The following THRB variants were observed in gnomAD, a reference collection of about 807,000 sequenced individuals.
THRB encodes thyroid hormone receptor beta.
THRB carries 12 observed loss-of-function variants against 47.8 expected under a neutral mutation model. The observed-to-expected ratio is 0.25, with a 90% CI of 0.16 to 0.41. The LOEUF (loss-of-function observed/expected upper bound fraction) is 0.41, where lower values mean the gene tolerates loss of function less well. THRB is among the 10% of genes least tolerant of loss of function. The pLI, the probability that THRB is intolerant of heterozygous loss-of-function variation, is 1.00. For missense variants in THRB, 348 were observed against 589.2 expected (o/e 0.59, Z 4.24); for synonymous variants, 218 against 212.2 (o/e 1.03, Z -0.24).
At chr3:24,228,005 G>C (rs1468332529) in intron 4 of THRB, among the ~76,000 whole-genome samples, 2 of 152,098 alleles carry the variant, frequency 1.3e-5, no homozygotes, top group African/African-American at 4.8e-5. Flanking sequence ...TCTAAAATTT[G>C]GGATATTTCA....
Position 24,143,541 on chromosome 3 carries a change from T to C in THRB, c.698A>G (p.Asn233Ser), listed in dbSNP as rs1301719133. Residue 233 changes from asparagine (N) to serine (S), a missense_variant, in exon 8 of 11, where the codon AAC becomes AGC. This residue lies in a region of THRB where 112 missense variants were observed against 212.3 expected (regional missense o/e 0.53). Coordinates refer to ENST00000646209, the MANE Select transcript of THRB (RefSeq NM_001354712.2). ...TTGCTTCCAGTGGCTGCCTTGGGCGTTGGTCGCCACATGGGCTTCGGTGAC... is the reference window on the plus strand; with the variant it reads ...TTGCTTCCAGTGGCTGCCTTGGGCGCTGGTCGCCACATGGGCTTCGGTGAC... Reference protein sequence around the residue: ...KTVTEAHVATNAQGSHWKQKR... With the variant: ...KTVTEAHVATSAQGSHWKQKR... 1 of 1,614,154 alleles carries C rather than the reference T, an allele frequency of 6.2e-7. No homozygotes were observed. Among genetic ancestry groups the C allele is most frequent in the Non-Finnish European group, 8.5e-7 (1 of 1,180,018 alleles).
At chr3:24,334,163 C>T (rs747648461) in intron 2 of THRB, among the ~76,000 whole-genome samples, 18 of 152,110 alleles carry the variant, frequency 1.2e-4, no homozygotes, top group Admixed American at 2.0e-4. Context: ...GCTTTTTAGA[C>T]GGTCAAAATG....
chr3:24,350,379 C>A (rs2149531065), intron 1 of THRB, among the ~76,000 whole-genome samples: 1 of 152,032 alleles, frequency 6.6e-6, no homozygotes, highest in East Asian at 1.9e-4. Flanking sequence ...CACGTGGTCA[C>A]CAAAAGACCT....
At chr3:24,205,809 T>C (rs967466413) in intron 4 of THRB, among the ~76,000 whole-genome samples, 1 of 152,128 alleles carries the variant, frequency 6.6e-6, no homozygotes, top group Non-Finnish European at 1.5e-5. Context: ...GAGGAAGATC[T>C]ACCAAGCAAA....
At chr3:24,200,538 G>A (rs146748601) in intron 4 of THRB, among the ~76,000 whole-genome samples, 69 of 152,134 alleles carry the variant, frequency 4.5e-4, no homozygotes, top group African/African-American at 1.7e-3. Context: ...TTACTCTCAG[G>A]GATTAACAAA....
intron 1 of THRB, among the ~76,000 whole-genome samples, chr3:24,374,692 TG>T (rs1356268461): frequency 6.6e-5 from 10 of 152,090 alleles, no homozygotes; most frequent in Non-Finnish European, 1.0e-4. Context: ...TAGATTTTGA[TG>T]AAGATATAAA....
chr3:24,258,579 G>T (rs571280836), intron 3 of THRB, among the ~76,000 whole-genome samples: 1 of 152,150 alleles, frequency 6.6e-6, no homozygotes, highest in African/African-American at 2.4e-5. Flanking sequence ...AAGCATGCAG[G>T]TGGGGCCATC....
At chr3:24,277,734 T>C (rs1022974477) in intron 3 of THRB, among the ~76,000 whole-genome samples, 1 of 152,234 alleles carries the variant, frequency 6.6e-6, no homozygotes, top group African/African-American at 2.4e-5. Context: ...GTTATAAAGT[T>C]ACCCCAAATT....
chr3:24,332,670 G>A (rs1368054738), intron 2 of THRB, among the ~76,000 whole-genome samples: 1 of 151,970 alleles, frequency 6.6e-6, no homozygotes, highest in Non-Finnish European at 1.5e-5. Context: ...TACACATTGG[G>A]GTGTTTGTTA....
chr3:24,350,862 T>G (rs974784082), intron 1 of THRB, among the ~76,000 whole-genome samples: 1 of 152,156 alleles, frequency 6.6e-6, no homozygotes, highest in Non-Finnish European at 1.5e-5. Context: ...TACTTTTTTT[T>G]CTACTTAGCA....
chr3:24,341,173 C>CTTTCCTTTCCTTTCG (rs1297432906), intron 1 of THRB, among the ~76,000 whole-genome samples: 1 of 65,888 alleles, frequency 1.5e-5, no homozygotes, highest in African/African-American at 9.9e-5. Flanking sequence ...TTCCTTATTC[C>CTTTCCTTTCCTTTCG]TTTCCTTTCC....
chr3:24,325,428 T>C (rs968598351), intron 2 of THRB, among the ~76,000 whole-genome samples: 1 of 152,256 alleles, frequency 6.6e-6, no homozygotes, highest in Non-Finnish European at 1.5e-5. Flanking sequence ...GGTTTATGCC[T>C]GTAGTCCCAG....
intron 1 of THRB, among the ~76,000 whole-genome samples, chr3:24,353,829 A>G (rs1188738537): frequency 6.6e-6 from 1 of 152,184 alleles, no homozygotes; most frequent in Non-Finnish European, 1.5e-5. Flanking sequence ...GCACATATGC[A>G]TAGCAAATTT....
chr3:24,195,014 C>A (rs1036279651), intron 4 of THRB, among the ~76,000 whole-genome samples: 1 of 152,162 alleles, frequency 6.6e-6, no homozygotes, highest in Non-Finnish European at 1.5e-5. Flanking sequence ...GTGTATAAAA[C>A]GTGCTTTGTA....
At chr3:24,280,203 G>A (rs2054406663) in intron 3 of THRB, among the ~76,000 whole-genome samples, 2 of 152,182 alleles carry the variant, frequency 1.3e-5, no homozygotes, top group African/African-American at 4.8e-5. Flanking sequence ...GAAATTTGAA[G>A]AGAGCAGTGG....
chr3:24,310,097 A>T (rs1325849072), intron 2 of THRB, among the ~76,000 whole-genome samples: 1 of 151,906 alleles, frequency 6.6e-6, no homozygotes, highest in Non-Finnish European at 1.5e-5. Flanking sequence ...TCACAATTCA[A>T]TTCTACTTGC....
chr3:24,284,497 T>A (rs1000663940), intron 3 of THRB, among the ~76,000 whole-genome samples: 1 of 151,906 alleles, frequency 6.6e-6, no homozygotes, highest in Non-Finnish European at 1.5e-5. Context: ...AACCTAGGCA[T>A]TGCCATTCAG....
rs2031564531 is a variant in THRB at position 24,120,941 on chromosome 3, C to T, written c.*1943G>A. ...TAATTCCCCGCTCCCAGATAATTTC[C>T]AATCATACTTGGAATTTTCAGTGCT... On this transcript the variant is annotated 3_prime_UTR_variant, in exon 11 of 11. Coordinates refer to ENST00000646209, the MANE Select transcript of THRB (RefSeq NM_001354712.2). The T allele has an allele frequency of 6.6e-6, 1 of 152,108 alleles. No individual in the cohort carries two copies. Among genetic ancestry groups the T allele is most frequent in the Non-Finnish European group, 1.5e-5 (1 of 68,020 alleles). 9.4% of individuals were successfully genotyped at this position (152,108 alleles called of 1,614,324 possible).
At chr3:24,158,862 C>A (rs1245975294) in intron 5 of THRB, among the ~76,000 whole-genome samples, 1 of 152,146 alleles carries the variant, frequency 6.6e-6, no homozygotes, top group African/African-American at 2.4e-5. Context: ...CTCTCTCTCT[C>A]TCTCTCTCTC....
Sources: gnomAD v4.1 joint callset for allele counts (sites outside exome capture counted in the v4.1 genomes callset) on GRCh38, gnomAD v4.1.1 for gene constraint, gnomAD v4.1.1 regional missense constraint, MANE v1.5 for transcripts, NCBI Gene and HGNC (gene_info 2026-07-23, HGNC 2026-07-21) for gene names.